FADS3: variants seen among roughly 807,000 people sequenced by gnomAD.
FADS3 encodes cytochrome b5-related protein.
A neutral mutation model predicts 60.4 loss-of-function variants in FADS3; 30 were observed. The ratio of observed to expected loss-of-function variants is 0.50; its 90% CI spans 0.37 to 0.67. The LOEUF is 0.67. Among genes scored for constraint, FADS3 ranks in the 30% least tolerant of loss-of-function variants. The pLI is 0.00. For missense variants in FADS3, 432 were observed against 598.3 expected (o/e 0.72, Z 2.90); for synonymous variants, 234 against 249.3 (o/e 0.94, Z 0.58).
intron 1 of FADS3, among the ~76,000 whole-genome samples, chr11:61,889,640 C>T (rs1015370458): frequency 6.6e-6 from 1 of 151,966 alleles, no homozygotes; most frequent in African/African-American, 2.4e-5. Context: ...GAGCAAGACT[C>T]TGTCTCCGGC....
chr11:61,883,369 A>G (rs1446108549), intron 1 of FADS3, among the ~76,000 whole-genome samples: 1 of 152,170 alleles, frequency 6.6e-6, no homozygotes, highest in Non-Finnish European at 1.5e-5. Flanking sequence ...ATGTTGCAGC[A>G]CGTGTCAGGA....
chr11:61,873,599 C>A lies in FADS3; in HGVS notation c.*215G>T. The A allele has an allele frequency of 5.1e-6, 3 of 586,038 alleles. No individual in the cohort carries two copies. In the East Asian group the frequency reaches 8.8e-5, roughly 17 times the overall value. The allele number at this position is 586,038 out of a possible 1,614,324, so 36.3% of individuals were successfully genotyped here. A position where few individuals can be genotyped will look rare whatever the true frequency, so the allele number is the denominator to read the frequency against. On this transcript the variant is annotated 3_prime_UTR_variant, in exon 12 of 12. Coordinates refer to ENST00000278829, the MANE Select transcript of FADS3 (RefSeq NM_021727.5). Reference sequence around the variant, plus strand: ...TCGCTCTAGGAAAATGTGCTATGCTCACCTTCCCTCTACCCCTGTCCCATC... The same window carrying A: ...TCGCTCTAGGAAAATGTGCTATGCTAACCTTCCCTCTACCCCTGTCCCATC...
In FADS3 at chr11:61,879,267, G is replaced by A. The variant is rs552253819; in HGVS notation, c.522+45C>T. ...AATGCCCAGATGCATGGGGGCCCAC[G>A]TCTGTTGGGCAGTTAAGGTGGCTGC... On this transcript the variant is annotated intron_variant, in intron 3 of 11. Coordinates refer to ENST00000278829, the MANE Select transcript of FADS3 (RefSeq NM_021727.5). 3.3e-5 allele frequency: 50 copies of A among 1,500,974 alleles called. 1 individual carries two copies. Among genetic ancestry groups the A allele is most frequent in the African/African-American group, 2.2e-4 (16 of 72,230 alleles). 93.0% of individuals were successfully genotyped at this position (1,500,974 alleles called of 1,614,324 possible).
rs745409845 is a variant in FADS3 at position 61,873,801 on chromosome 11, C to T, written c.*13G>A. The T allele has an allele frequency of 5.0e-6, 8 of 1,605,464 alleles. No individual in the cohort carries two copies. In the African/African-American group the frequency reaches 1.1e-4, roughly 22 times the overall value. ...GTGCCCTGAGCCCTTCTCTGCCCGC[C>T]TGGGTGTTGCCTTCACTGATGGAGG... is the stretch of plus-strand genomic sequence containing the variant. On this transcript the variant is annotated 3_prime_UTR_variant, in exon 12 of 12. Coordinates refer to ENST00000278829, the MANE Select transcript of FADS3 (RefSeq NM_021727.5).
chr11:61,879,912 T>A lies in FADS3; in HGVS notation c.324+129A>T. 5 of 704,864 alleles carry A rather than the reference T, an allele frequency of 7.1e-6. No individual in the cohort carries two copies. The South Asian group carries it at 9.6e-5, about 13-fold the overall frequency. The allele number at this position is 704,864 out of a possible 1,614,324, so 43.7% of individuals were successfully genotyped here. On this transcript the variant is annotated intron_variant, in intron 2 of 11. Coordinates refer to ENST00000278829, the MANE Select transcript of FADS3 (RefSeq NM_021727.5). The stretch of plus-strand genomic sequence containing the variant: ...TGCCCCCTGGGAGGGGAGGGCAGGC[T>A]CAGCCCTGGCTCTGCATCCCCTTGG...
At position 61,876,946 on chromosome 11, in the gene FADS3, G is replaced by A; in HGVS notation, c.903C>T (p.Ala301=). 1 of 1,604,690 alleles carries A rather than the reference G, an allele frequency of 6.2e-7. No homozygotes were observed. The highest frequency in any genetic ancestry group is 1.7e-4 in the Middle Eastern group (1 of 6,050). ...CMQWADLLWA[A]SFYARFFLSY... ...ATAAGAAGAAGCGGGCATAGAAGCT[G>A]GCGGCCCAGAGCAAATCCTGCAGAG... is the stretch of plus-strand genomic sequence containing the variant. Residue 301 remains alanine (A), a synonymous_variant, in exon 8 of 12, where the codon GCC becomes GCT. Coordinates refer to ENST00000278829, the MANE Select transcript of FADS3 (RefSeq NM_021727.5). The surrounding 1 kb of genome is among the most constrained non-coding windows in gnomAD (Gnocchi z 5.7).
intron 3 of FADS3, 120 bp downstream of exon 3, chr11:61,879,192 T>A: frequency 1.1e-6 from 1 of 898,024 alleles, no homozygotes; most frequent in Non-Finnish European, 1.7e-6. Flanking sequence ...TGTTTATTCA[T>A]CCATTCATCC....
intron 1 of FADS3, among the ~76,000 whole-genome samples, chr11:61,886,014 A>G (rs1270869241): frequency 6.6e-6 from 1 of 152,202 alleles, no homozygotes; most frequent in Non-Finnish European, 1.5e-5. Flanking sequence ...GAGGTCCCAA[A>G]GAAACACAGC....
At chr11:61,883,005 C>T (rs1938189819) in intron 1 of FADS3, among the ~76,000 whole-genome samples, 1 of 152,226 alleles carries the variant, frequency 6.6e-6, no homozygotes, top group Non-Finnish European at 1.5e-5. Flanking sequence ...GTTGGGATTA[C>T]AGGCATAAGC....
chr11:61,876,058 C>A lies in FADS3; in HGVS notation c.1160+53G>T. ...CACCCACGGGTCCCCTCCCAGGATCCCCTCCCAGGACCCCCTCCCCACCTC... is the reference window on the plus strand; with the variant it reads ...CACCCACGGGTCCCCTCCCAGGATCACCTCCCAGGACCCCCTCCCCACCTC... On this transcript the variant is annotated intron_variant, in intron 10 of 11. Transcript: ENST00000278829. The surrounding 1 kb of genome is among the most constrained non-coding windows in gnomAD (Gnocchi z 5.7). 1.2e-6 allele frequency: 2 copies of A among 1,609,436 alleles called. No individual in the cohort carries two copies. The highest frequency in any genetic ancestry group is 1.7e-6 in the Non-Finnish European group (2 of 1,177,676).
Position 61,879,938 on chromosome 11 carries a change from G to T in FADS3, c.324+103C>A. The T allele has an allele frequency of 4.3e-6, 4 of 924,794 alleles. No homozygotes were observed. The East Asian group carries it at 7.8e-5, about 18-fold the overall frequency. 57.3% of individuals were successfully genotyped at this position (924,794 alleles called of 1,614,324 possible). On this transcript the variant is annotated intron_variant, in intron 2 of 11. Coordinates refer to ENST00000278829, the MANE Select transcript of FADS3 (RefSeq NM_021727.5). ...CAGCCCTGGCTCTGCATCCCCTTGG[G>T]CGAATGCCGAGGGAGCTGCTCCTGG... is the stretch of plus-strand genomic sequence containing the variant.
At chr11:61,878,099 G>T in intron 6 of FADS3, 56 bp downstream of exon 6, 1 of 1,509,562 alleles carries the variant, frequency 6.6e-7, no homozygotes, top group Non-Finnish European at 9.2e-7. Context: ...GGACAGCAGG[G>T]AGGACAGTGC....
chr11:61,891,676 C>A (rs1411195230), upstream of FADS3: 1 of 157,696 alleles, frequency 6.3e-6, no homozygotes. Context: ...AATCCAGGCG[C>A]GGGGCCTCGG....
At position 61,878,731 on chromosome 11, in the gene FADS3, C is replaced by A. The variant is rs769598053; in HGVS notation, c.624+15G>T. On this transcript the variant is annotated intron_variant, in intron 4 of 11. Transcript: ENST00000278829. ...CGCCACCCAGCACCTGGCTGACCAC[C>A]CACCCCACCCTCACCTTTAGCTGCC... The A allele has an allele frequency of 1.2e-6, 2 of 1,613,326 alleles. No homozygotes were observed. The highest frequency in any genetic ancestry group is 2.2e-5 in the East Asian group (1 of 44,880).
rs551857097 is a variant in FADS3, at chr11:61,875,991, C to G, written c.1161-15G>C. The stretch of plus-strand genomic sequence containing the variant: ...TGGGGAAGAGGCTGGGGGTGGGGAG[C>G]GTATGCTGGCACCTGAAGTGGGAGA... On this transcript the variant is annotated splice_polypyrimidine_tract_variant and intron_variant, in intron 10 of 11. Coordinates refer to ENST00000278829, the MANE Select transcript of FADS3 (RefSeq NM_021727.5). 1 of 1,613,278 alleles carries G rather than the reference C, an allele frequency of 6.2e-7. No homozygotes were observed. Among genetic ancestry groups the G allele is most frequent in the African/African-American group, 1.3e-5 (1 of 74,934 alleles).
At chr11:61,885,073 G>A (rs531994886) in intron 1 of FADS3, among the ~76,000 whole-genome samples, 2 of 152,332 alleles carry the variant, frequency 1.3e-5, no homozygotes, top group East Asian at 1.9e-4. Context: ...TAGTGGCAGA[G>A]CTGGGATTCG....
chr11:61,875,868 C>T lies in FADS3; in HGVS notation c.1269G>A (p.Ala423=), dbSNP rs765844529. The change falls in exon 11 of 12, where the codon GCG becomes GCA. Residue 423 remains alanine, a synonymous_variant. Coordinates refer to ENST00000278829, the MANE Select transcript of FADS3 (RefSeq NM_021727.5). ...AGCCTCACCTGACGATGTCCACCAG[C>T]GCGGTGAGGAAGGGCTTCACTTCGT... ...LSYEVKPFLT[A]LVDIVRSLKK... 1.4e-5 allele frequency: 22 copies of T among 1,613,252 alleles called. No homozygotes were observed. The highest frequency in any genetic ancestry group is 2.2e-5 in the East Asian group (1 of 44,878).
intron 1 of FADS3, among the ~76,000 whole-genome samples, chr11:61,888,856 T>C (rs536825302): frequency 4.6e-5 from 7 of 152,242 alleles, no homozygotes; most frequent in Admixed American, 2.6e-4. Context: ...GTGCCTCCAA[T>C]AGCAGAGCTG....
intron 1 of FADS3, chr11:61,890,366 G>A (rs174463): frequency 0.59 from 90,322 of 152,166 alleles, 29,946 homozygotes; most frequent in Non-Finnish European, 0.75. Flanking sequence ...TCATGTCCTC[G>A]GGTCTTGAAG....
Sources: gnomAD v4.1 joint callset for allele counts (sites outside exome capture counted in the v4.1 genomes callset) on GRCh38, gnomAD v4.1.1 for gene constraint, Gnocchi (gnomAD v3.1) non-coding constraint, MANE v1.5 for transcripts, NCBI Gene and HGNC (gene_info 2026-07-23, HGNC 2026-07-21) for gene names.